Variants in WWC2 observed in about 807,000 individuals in gnomAD.
WWC2 encodes the protein protein WWC2.
In WWC2, 101 loss-of-function variants were observed where a neutral mutation model predicts 138.5. The ratio of observed to expected loss-of-function variants is 0.73; its 90% CI spans 0.62 to 0.86. The LOEUF (loss-of-function observed/expected upper bound fraction) is 0.86. Among genes scored for constraint, WWC2 ranks in the 40% least tolerant of loss-of-function variants. The pLI is 0.00. For synonymous variants in WWC2, 558 were observed against 538.4 expected (o/e 1.04, Z -0.50); for missense variants, 1,420 against 1,419.4 (o/e 1.00, Z -0.01).
chr4:183,146,331 GAAA>G (rs901207872), intron 1 of WWC2, among the ~76,000 whole-genome samples: 1 of 151,818 alleles, frequency 6.6e-6, no homozygotes, highest in Non-Finnish European at 1.5e-5. Flanking sequence ...CTATTCCAGA[GAAA>G]AAAAAGAAGG....
At chr4:183,266,222 T>C (rs1001360157) in intron 14 of WWC2, among the ~76,000 whole-genome samples, 4 of 152,226 alleles carry the variant, frequency 2.6e-5, no homozygotes, top group Admixed American at 2.6e-4. Context: ...TTATGCTGTG[T>C]TGGAATTTGA....
At chr4:183,295,141 C>T (rs1161228924) in intron 21 of WWC2, among the ~76,000 whole-genome samples, 1 of 152,146 alleles carries the variant, frequency 6.6e-6, no homozygotes, top group Non-Finnish European at 1.5e-5. Context: ...TGTAAAAACA[C>T]ACACACACCT....
chr4:183,125,217 A>T (rs752292854), intron 1 of WWC2, among the ~76,000 whole-genome samples: 2 of 152,178 alleles, frequency 1.3e-5, no homozygotes, highest in Non-Finnish European at 2.9e-5. Flanking sequence ...CGATTTTTAC[A>T]GGTTCAATTT....
intron 21 of WWC2, among the ~76,000 whole-genome samples, chr4:183,304,488 A>T (rs1259101245): frequency 6.6e-6 from 1 of 152,192 alleles, no homozygotes; most frequent in Non-Finnish European, 1.5e-5. Flanking sequence ...AAAAGTAGCC[A>T]TTTGAAACAC....
At chr4:183,274,805 A>G (rs1468609957) in intron 16 of WWC2, among the ~76,000 whole-genome samples, 2 of 152,186 alleles carry the variant, frequency 1.3e-5, no homozygotes, top group Non-Finnish European at 2.9e-5. Context: ...TTTAAAACAA[A>G]GTTTGAGGAC....
chr4:183,149,537 G>A (rs988331189), intron 1 of WWC2, among the ~76,000 whole-genome samples: 4 of 151,602 alleles, frequency 2.6e-5, no homozygotes, highest in Non-Finnish European at 5.9e-5. Context: ...CAGGAGAATC[G>A]CTTGAACCTG....
At chr4:183,221,474 G>A (rs1023726390) in intron 4 of WWC2, among the ~76,000 whole-genome samples, 5 of 152,064 alleles carry the variant, frequency 3.3e-5, no homozygotes, top group African/African-American at 7.2e-5. Context: ...AAGTGCACAC[G>A]GAACATCACA....
Position 183,320,358 on chromosome 4 carries a change from C to G in WWC2, c.*4629C>G. On this transcript the variant is annotated 3_prime_UTR_variant, in exon 23 of 23. Coordinates refer to ENST00000403733, the MANE Select transcript of WWC2 (RefSeq NM_024949.6). ...TATAGGAGGATTCTTGCCAGAGTTG[C>G]TATTGTTTGATTCCATGTTGAATGG... The G allele has an allele frequency of 4.9e-6, 4 of 818,028 alleles. No individual in the cohort carries two copies. Among genetic ancestry groups the G allele is most frequent in the Non-Finnish European group, 7.7e-6 (4 of 522,162 alleles). The allele number at this position is 818,028 out of a possible 1,614,324, so 50.7% of individuals were successfully genotyped here. A position where few individuals can be genotyped will look rare whatever the true frequency, so the allele number is the denominator to read the frequency against.
chr4:183,202,959 C>T (rs1409164653), intron 2 of WWC2, among the ~76,000 whole-genome samples: 1 of 152,132 alleles, frequency 6.6e-6, no homozygotes, highest in African/African-American at 2.4e-5. Flanking sequence ...CAAACAGCCC[C>T]CTGAATTAGC....
intron 21 of WWC2, among the ~76,000 whole-genome samples, chr4:183,306,159 A>C (rs759519827): frequency 2.6e-5 from 4 of 152,196 alleles, no homozygotes; most frequent in Non-Finnish European, 4.4e-5. Flanking sequence ...GAAAATTGAC[A>C]TTATATAAAG....
intron 1 of WWC2, among the ~76,000 whole-genome samples, chr4:183,155,189 GGA>G (rs770609371): frequency 0.015 from 1,536 of 103,698 alleles, 12 homozygotes; most frequent in Middle Eastern, 0.026. Flanking sequence ...CATCTTCTGA[GGA>G]GAGAGAGAGA....
chr4:183,214,132 T>A (rs950722961), intron 4 of WWC2, among the ~76,000 whole-genome samples: 14 of 152,176 alleles, frequency 9.2e-5, no homozygotes, highest in African/African-American at 3.1e-4. Flanking sequence ...AATACAACTT[T>A]TAATTTTGTG....
intron 4 of WWC2, among the ~76,000 whole-genome samples, chr4:183,234,362 G>A (rs7688139): frequency 6.6e-6 from 1 of 152,204 alleles, no homozygotes; most frequent in Non-Finnish European, 1.5e-5. Context: ...AAATTAGGTG[G>A]TTAGCTACAG....
At chr4:183,202,752 G>A (rs919791800) in intron 2 of WWC2, among the ~76,000 whole-genome samples, 3 of 152,136 alleles carry the variant, frequency 2.0e-5, no homozygotes, top group South Asian at 2.1e-4. Flanking sequence ...GCTGGTTCAA[G>A]CCAGGGTAGG....
chr4:183,245,225 TAAAAAAAA>T (rs746541290), intron 5 of WWC2, among the ~76,000 whole-genome samples, 183 bp from the exon 6 acceptor site: 1 of 69,512 alleles, frequency 1.4e-5, no homozygotes, highest in African/African-American at 4.3e-5. Flanking sequence ...AGACTCCATC[TAAAAAAAA>T]AAAAAAAAAA....
chr4:183,208,952 T>A lies in WWC2; in HGVS notation c.449T>A (p.Phe150Tyr). Residue 150 changes from phenylalanine (F) to tyrosine (Y), a missense_variant, in exon 4 of 23, where the codon TTC (phenylalanine) becomes TAC (tyrosine). By Grantham distance (22) the Phe-to-Tyr change is conservative. Transcript: ENST00000403733. ...TTTTCTTTTTTCTCTATAAAAGTAT[T>A]CTCAGGATCTTCATCCAGTACTAAA... Reference protein sequence around the residue: ...KEKSSSHTSLFSGSSSSTKYD... With the variant: ...KEKSSSHTSLYSGSSSSTKYD... 1 of 1,547,348 alleles carries A rather than the reference T, an allele frequency of 6.5e-7. No homozygotes were observed. The highest frequency in any genetic ancestry group is 1.4e-5 in the African/African-American group (1 of 73,244).
chr4:183,184,341 T>C (rs1472575726), intron 1 of WWC2, among the ~76,000 whole-genome samples: 1 of 152,200 alleles, frequency 6.6e-6, no homozygotes, highest in Non-Finnish European at 1.5e-5. Context: ...TAATATTCCA[T>C]TTCATGTATA....
At chr4:183,188,178 AT>A (rs1232386922) in intron 1 of WWC2, among the ~76,000 whole-genome samples, 3 of 152,040 alleles carry the variant, frequency 2.0e-5, no homozygotes, top group African/African-American at 4.8e-5. Context: ...TGCCAAGTCT[AT>A]TTTTTTGTCT....
Position 183,289,408 on chromosome 4 carries a change from G to C in WWC2, c.3157G>C (p.Val1053Leu). 6.2e-7 allele frequency: 1 copy of C among 1,611,700 alleles called. No homozygotes were observed. Among genetic ancestry groups the C allele is most frequent in the Non-Finnish European group, 8.5e-7 (1 of 1,178,852 alleles). ...LRVKRTVCQSVLRRTTQECPV... is the reference protein window; with the variant it reads ...LRVKRTVCQSLLRRTTQECPV... Reference sequence around the variant, plus strand: ...AACTATCCAGACGGTTTGCCAGTCAGTCCTTAGAAGAACAACACAGGAATG... The same window carrying C: ...AACTATCCAGACGGTTTGCCAGTCACTCCTTAGAAGAACAACACAGGAATG... Residue 1053 changes from valine (V) to leucine (L), a missense_variant, in exon 21 of 23, where the codon GTC becomes CTC. Transcript: ENST00000403733.
Sources: gnomAD v4.1 joint callset for allele counts (sites outside exome capture counted in the v4.1 genomes callset) on GRCh38, gnomAD v4.1.1 for gene constraint, MANE v1.5 for transcripts, NCBI Gene and HGNC (gene_info 2026-07-23, HGNC 2026-07-21) for gene names.